Variants in SH3BP4 observed in about 807,000 individuals in gnomAD.
SH3BP4 encodes SH3 domain-binding protein 4.
In SH3BP4, 33 loss-of-function variants were observed where a neutral mutation model predicts 65.5. The ratio of observed to expected loss-of-function variants is 0.50; its 90% CI spans 0.38 to 0.67. SH3BP4 has a LOEUF of 0.67. Among genes scored for constraint, SH3BP4 ranks in the 30% least tolerant of loss-of-function variants. SH3BP4 has a pLI of 0.00. For synonymous variants in SH3BP4, 552 were observed against 545.5 expected, an observed-to-expected ratio of 1.01 and a Z score of -0.17; for missense variants, 1,134 against 1,261.4, an observed-to-expected ratio of 0.90 and a Z score of 1.53.
Position 235,041,812 on chromosome 2 carries a change from CT to C in SH3BP4, c.1044del (p.Glu350ArgfsTer7). Reference sequence around the variant, plus strand: ...CACGTGCCCGAGGGCCACGTCGCCCCTGGGGAGACCCAGCAGATCTCCATGA... The same window carrying C: ...CACGTGCCCGAGGGCCACGTCGCCCCGGGGAGACCCAGCAGATCTCCATGA... ...SIHVPEGHVA[P>X]GETQQISMKA... On this transcript the variant is annotated frameshift_variant, in exon 4 of 6. Transcript: ENST00000392011. LOFTEE classifies it high-confidence loss of function. This position sits in a 1 kb window ranked among gnomAD's most constrained non-coding sequence, Gnocchi z 6.0. The C allele has an allele frequency of 1.9e-6, 3 of 1,598,558 alleles. No individual in the cohort carries two copies. Among genetic ancestry groups the C allele is most frequent in the Non-Finnish European group, 2.6e-6 (3 of 1,171,330 alleles).
At chr2:234,965,972 A>G (rs943429375) in intron 1 of SH3BP4, among the ~76,000 whole-genome samples, 4 of 152,266 alleles carry the variant, frequency 2.6e-5, no homozygotes, top group South Asian at 2.1e-4. Context: ...CAAAAATAAC[A>G]ATTGTTGTTT....
intron 2 of SH3BP4, among the ~76,000 whole-genome samples, chr2:235,019,404 G>A (rs1694782861): frequency 2.6e-5 from 4 of 151,788 alleles, no homozygotes; most frequent in Admixed American, 2.6e-4. Context: ...CTTGTGTGAG[G>A]ATGATGGGCT....
intron 4 of SH3BP4, among the ~76,000 whole-genome samples, chr2:235,051,004 T>C (rs1310580775): frequency 6.6e-6 from 1 of 152,166 alleles, no homozygotes; most frequent in African/African-American, 2.4e-5. Flanking sequence ...AAACCGTCTC[T>C]GGGCTGCCTC....
At position 235,036,745 on chromosome 2, in the gene SH3BP4, A is replaced by ATAAT. The variant is rs1201132438; in HGVS notation, c.118+1626_118+1629dup. On this transcript the variant is annotated intron_variant, in intron 3 of 5. Transcript: ENST00000392011. ...ACTCTGAGACTCTATATAAAAAATAATAATAATAATAATGACAGTGCTCTG... is the reference window on the plus strand; with the variant it reads ...ACTCTGAGACTCTATATAAAAAATAATAATTAATAATAATAATGACAGTGCTCTG... Among the ~76,000 whole-genome samples the ATAAT allele has an allele frequency of 4.6e-5, 7 of 151,156 alleles. No homozygotes were observed. In the East Asian group the frequency reaches 1.4e-3, roughly 29 times the overall value.
At chr2:235,020,681 G>GTTAC (rs999114436) in intron 2 of SH3BP4, among the ~76,000 whole-genome samples, 10 of 152,206 alleles carry the variant, frequency 6.6e-5, no homozygotes, top group Non-Finnish European at 1.5e-4. Context: ...GACTACTGCT[G>GTTAC]TTACTACTAC....
chr2:235,046,101 G>T lies in SH3BP4; in HGVS notation c.2478+2854G>T, dbSNP rs1042077432. 6.6e-6 allele frequency among the ~76,000 whole-genome samples: 1 copy of T among 152,112 alleles called. No individual in the cohort carries two copies. The highest frequency in any genetic ancestry group is 6.5e-5 in the Admixed American group (1 of 15,274). ...CCCCTGCCCTGAACACACCCAGCTC[G>T]CCCGGCCTCCAGCTCCTGCAGATGC... On this transcript the variant is annotated intron_variant, in intron 4 of 5. Transcript: ENST00000392011. The surrounding 1 kb of genome is among the most constrained non-coding windows in gnomAD (Gnocchi z 4.2).
At chr2:234,975,551 C>T (rs752723561) in intron 1 of SH3BP4, among the ~76,000 whole-genome samples, 2 of 152,176 alleles carry the variant, frequency 1.3e-5, no homozygotes, top group Non-Finnish European at 2.9e-5. Context: ...CCGAGCAGTT[C>T]GCTCAAGCTT....
At chr2:234,984,409 G>A (rs966594830) in intron 1 of SH3BP4, among the ~76,000 whole-genome samples, 1 of 151,478 alleles carries the variant, frequency 6.6e-6, no homozygotes, top group African/African-American at 2.4e-5. Context: ...AAGTCTTGCT[G>A]TATTGCCCGG....
chr2:234,990,566 C>T (rs1693718463), intron 1 of SH3BP4, among the ~76,000 whole-genome samples: 1 of 152,216 alleles, frequency 6.6e-6, no homozygotes, highest in African/African-American at 2.4e-5. Flanking sequence ...CCCTGAAAGA[C>T]TCAGCTCTGC....
chr2:235,001,347 A>G (rs1329039355), intron 2 of SH3BP4, among the ~76,000 whole-genome samples: 7 of 152,178 alleles, frequency 4.6e-5, no homozygotes, highest in Admixed American at 4.6e-4. Flanking sequence ...TGCACCCTCA[A>G]AAAACGTTAA....
chr2:234,997,539 A>C lies in SH3BP4; in HGVS notation c.-133+2163A>C, dbSNP rs940230191. On this transcript the variant is annotated intron_variant, in intron 2 of 5. Coordinates refer to ENST00000392011, the MANE Select transcript of SH3BP4 (RefSeq NM_014521.3). The surrounding 1 kb of genome is among the most constrained non-coding windows in gnomAD (Gnocchi z 4.2). ...CTGAGACCAGAATGACTGAGGAAAC[A>C]GGAGGCCTGCAGCAGAGCACGGCCG... is the stretch of plus-strand genomic sequence containing the variant. 3.3e-5 allele frequency among the ~76,000 whole-genome samples: 5 copies of C among 152,210 alleles called. No individual in the cohort carries two copies. Among genetic ancestry groups the C allele is most frequent in the African/African-American group, 1.2e-4 (5 of 41,454 alleles).
At chr2:234,980,791 T>C (rs2106256491) in intron 1 of SH3BP4, among the ~76,000 whole-genome samples, 1 of 152,368 alleles carries the variant, frequency 6.6e-6, no homozygotes, top group African/African-American at 2.4e-5. Context: ...TTTTATGTTC[T>C]GCCAGAAGCT....
At position 234,997,778 on chromosome 2, in the gene SH3BP4, A is replaced by G. The variant is rs1277504485; in HGVS notation, c.-133+2402A>G. 2.0e-5 allele frequency among the ~76,000 whole-genome samples: 3 copies of G among 152,154 alleles called. No homozygotes were observed. Among genetic ancestry groups the G allele is most frequent in the African/African-American group, 7.2e-5 (3 of 41,436 alleles). On this transcript the variant is annotated intron_variant, in intron 2 of 5. Transcript: ENST00000392011. This position sits in a 1 kb window ranked among gnomAD's most constrained non-coding sequence, Gnocchi z 4.2. ...ACAGATGAGAAACTCATCTCAGAGT[A>G]CTCAGAAACCCAGAATACTTCATTC...
intron 1 of SH3BP4, among the ~76,000 whole-genome samples, chr2:234,957,559 AT>A (rs1262222374): frequency 8.6e-5 from 13 of 151,534 alleles, no homozygotes; most frequent in Non-Finnish European, 1.8e-4. Flanking sequence ...GAGTAACCGA[AT>A]TTGGCCAGCA....
chr2:235,024,007 C>T (rs1694921415), intron 2 of SH3BP4, among the ~76,000 whole-genome samples: 1 of 152,094 alleles, frequency 6.6e-6, no homozygotes, highest in East Asian at 1.9e-4. Flanking sequence ...ATTCTGTCCC[C>T]TCTCATTTTC....
intron 2 of SH3BP4, among the ~76,000 whole-genome samples, chr2:235,032,198 G>A (rs979422249): frequency 3.3e-5 from 5 of 152,136 alleles, no homozygotes; most frequent in African/African-American, 1.2e-4. Flanking sequence ...GTGGGGGTGG[G>A]AGCACCCCAG....
chr2:235,045,170 A>G lies in SH3BP4; in HGVS notation c.2478+1923A>G, dbSNP rs1270231573. Reference sequence around the variant, plus strand: ...GCACAGTGGCAGACAAAGCGCCTCCATCCCGTGAGAGCCTCTGTGCGGGCG... The same window carrying G: ...GCACAGTGGCAGACAAAGCGCCTCCGTCCCGTGAGAGCCTCTGTGCGGGCG... On this transcript the variant is annotated intron_variant, in intron 4 of 5. Transcript: ENST00000392011. This position sits in a 1 kb window ranked among gnomAD's most constrained non-coding sequence, Gnocchi z 4.3. 1.3e-5 allele frequency among the ~76,000 whole-genome samples: 2 copies of G among 152,118 alleles called. No individual in the cohort carries two copies. The highest frequency in any genetic ancestry group is 2.9e-5 in the Non-Finnish European group (2 of 68,022).
At position 235,040,882 on chromosome 2, in the gene SH3BP4, G is replaced by T. The variant is rs776833935; in HGVS notation, c.119-6G>T. The T allele has an allele frequency of 1.2e-6, 2 of 1,606,872 alleles. No homozygotes were observed. Among genetic ancestry groups the T allele is most frequent in the South Asian group, 2.2e-5 (2 of 90,854 alleles). On this transcript the variant is annotated splice_region_variant and splice_polypyrimidine_tract_variant and intron_variant, in intron 3 of 5. Coordinates refer to ENST00000392011, the MANE Select transcript of SH3BP4 (RefSeq NM_014521.3). ...TCACCATCTGTTTTCTTTGTGTTTT[G>T]CACAGTGCCTTCTCCCAGTGCCTTG...
rs1025231331 is a variant in SH3BP4, at chr2:234,991,747, G to C, written c.-206-3556G>C. On this transcript the variant is annotated intron_variant, in intron 1 of 5. Coordinates refer to ENST00000392011, the MANE Select transcript of SH3BP4 (RefSeq NM_014521.3). The surrounding 1 kb of genome is among the most constrained non-coding windows in gnomAD (Gnocchi z 4.2). ...CTGGAGAGGTTGATCAGGAGTTGGG[G>C]AAGTGGAAAGGGGCCAGCGGTCTTG... is the stretch of plus-strand genomic sequence containing the variant. Among the ~76,000 whole-genome samples the C allele has an allele frequency of 1.3e-5, 2 of 152,198 alleles. No homozygotes were observed. Among genetic ancestry groups the C allele is most frequent in the Non-Finnish European group, 2.9e-5 (2 of 68,038 alleles).
Sources: gnomAD v4.1 joint callset for allele counts (sites outside exome capture counted in the v4.1 genomes callset) on GRCh38, gnomAD v4.1.1 for gene constraint, Gnocchi (gnomAD v3.1) non-coding constraint, MANE v1.5 for transcripts, NCBI Gene and HGNC (gene_info 2026-07-23, HGNC 2026-07-21) for gene names.